The following SPAG1 variants were observed in gnomAD, a reference collection of about 807,000 sequenced individuals.
The protein encoded by SPAG1 is sperm-associated antigen 1.
In SPAG1, 69 loss-of-function variants were observed where a neutral mutation model predicts 100.5. The observed-to-expected ratio is 0.69, with a 90% CI of 0.57 to 0.84. The LOEUF is 0.84. SPAG1 is among the 40% of genes least tolerant of loss of function. SPAG1 has a pLI of 0.00. For missense variants in SPAG1, 955 were observed against 1,133.1 expected (o/e 0.84, Z 2.26); for synonymous variants, 336 against 411.6 (o/e 0.82, Z 2.22).
intron 7 of SPAG1, among the ~76,000 whole-genome samples, chr8:100,185,818 G>C (rs1033267719): frequency 6.6e-6 from 1 of 152,092 alleles, no homozygotes; most frequent in Non-Finnish European, 1.5e-5. Flanking sequence ...GAAGATACGA[G>C]GTAAAGAGGA....
At chr8:100,195,360 T>C (rs1445806286) in intron 10 of SPAG1, among the ~76,000 whole-genome samples, 1 of 152,158 alleles carries the variant, frequency 6.6e-6, no homozygotes, top group Non-Finnish European at 1.5e-5. Context: ...GTTCATTCAA[T>C]TTTAAAAATA....
intron 10 of SPAG1, among the ~76,000 whole-genome samples, chr8:100,201,992 T>C (rs752412376): frequency 6.6e-6 from 1 of 152,192 alleles, no homozygotes; most frequent in Non-Finnish European, 1.5e-5. Flanking sequence ...TTGAAACCTG[T>C]TGGTGAGAAG....
At chr8:100,195,454 A>T (rs1816994725) in intron 10 of SPAG1, among the ~76,000 whole-genome samples, 1 of 152,210 alleles carries the variant, frequency 6.6e-6, no homozygotes, top group Non-Finnish European at 1.5e-5. Context: ...TTAAGACTGG[A>T]TAAAGACAAA....
chr8:100,229,885 G>A (rs1003892023), intron 14 of SPAG1, among the ~76,000 whole-genome samples: 1 of 152,180 alleles, frequency 6.6e-6, no homozygotes, highest in Non-Finnish European at 1.5e-5. Context: ...GCTGGATTCA[G>A]GACTCAGAGA....
At chr8:100,190,168 C>T (rs1469858728) in intron 8 of SPAG1, among the ~76,000 whole-genome samples, 4 of 151,978 alleles carry the variant, frequency 2.6e-5, no homozygotes, top group Admixed American at 1.3e-4. Flanking sequence ...AAAAAATTAG[C>T]TGGATGTGGT....
At chr8:100,168,497 G>A (rs1319596874) in intron 3 of SPAG1, among the ~76,000 whole-genome samples, 2 of 149,526 alleles carry the variant, frequency 1.3e-5, no homozygotes, top group Non-Finnish European at 3.0e-5. Flanking sequence ...AGACTCAAGC[G>A]ATGCTCCCAC....
rs768753920 is a variant in SPAG1 at position 100,213,895 on chromosome 8, T to G, written c.1512T>G (p.Ser504Arg). 6.2e-7 allele frequency: 1 copy of G among 1,601,174 alleles called. No individual in the cohort carries two copies. The highest frequency in any genetic ancestry group is 1.3e-5 in the African/African-American group (1 of 74,724). Residue 504 changes from serine (S) to arginine (R), a missense_variant, in exon 12 of 19, where the codon AGT (serine) becomes AGG (arginine). By Grantham distance (110) the Ser-to-Arg change is moderately radical. Coordinates refer to ENST00000388798, the MANE Select transcript of SPAG1 (RefSeq NM_003114.5). ...GTTACCTAAAAGAAGGAAACTGCAG[T>G]GGCTGCATTCAAGATTGTAACAGGT... ...AACYLKEGNC[S>R]GCIQDCNRAL...
intron 8 of SPAG1, among the ~76,000 whole-genome samples, chr8:100,190,675 T>TC (rs1262389016): frequency 6.8e-6 from 1 of 146,670 alleles, no homozygotes; most frequent in Non-Finnish European, 1.5e-5. Flanking sequence ...TTTTTTTTTT[T>TC]TTTTTTGGAG....
chr8:100,213,957 T>C (rs1817856764), intron 12 of SPAG1, 39 bp downstream of exon 12: 2 of 1,179,972 alleles, frequency 1.7e-6, no homozygotes, highest in Non-Finnish European at 2.5e-6. Flanking sequence ...GAGATTGTTA[T>C]AATTTCATTA....
intron 10 of SPAG1, among the ~76,000 whole-genome samples, chr8:100,212,023 T>G (rs910349016): frequency 2.6e-5 from 4 of 152,258 alleles, no homozygotes; most frequent in African/African-American, 9.6e-5. Context: ...CTACTGGGTT[T>G]AATCTGCAGA....
chr8:100,233,876 C>T (rs1032823877), intron 16 of SPAG1, among the ~76,000 whole-genome samples: 8 of 152,152 alleles, frequency 5.3e-5, no homozygotes, highest in East Asian at 1.9e-4. Flanking sequence ...CTGGTTCCTC[C>T]GGCAAGGATT....
At chr8:100,172,925 C>G (rs919626417) in intron 3 of SPAG1, among the ~76,000 whole-genome samples, 3 of 150,918 alleles carry the variant, frequency 2.0e-5, no homozygotes, top group African/African-American at 7.3e-5. Context: ...AAAAATAGCA[C>G]TTTATGTCCA....
intron 10 of SPAG1, among the ~76,000 whole-genome samples, chr8:100,197,389 A>G (rs979683822): frequency 3.9e-5 from 6 of 152,230 alleles, no homozygotes; most frequent in African/African-American, 1.4e-4. Flanking sequence ...AAACTCAGAC[A>G]TAATCTTTTC....
Position 100,213,444 on chromosome 8 carries a change from C to A in SPAG1, c.1435+16C>A. 1 of 1,384,210 alleles carries A rather than the reference C, an allele frequency of 7.2e-7. No individual in the cohort carries two copies. The allele number at this position is 1,384,210 out of a possible 1,614,324, so 85.7% of individuals were successfully genotyped here. On this transcript the variant is annotated intron_variant, in intron 11 of 18. Transcript: ENST00000388798. Reference sequence around the variant, plus strand: ...GAGCCAGCAGGTAGGTGCGCCGCGCCCCGCCGCTTCCTGGGCCCCTCGCGC... The same window carrying A: ...GAGCCAGCAGGTAGGTGCGCCGCGCACCGCCGCTTCCTGGGCCCCTCGCGC...
rs1817813411 is a variant in SPAG1 at position 100,213,258 on chromosome 8, C to T, written c.1265C>T (p.Ala422Val). 1 of 1,218,546 alleles carries T rather than the reference C, an allele frequency of 8.2e-7. No homozygotes were observed. The highest frequency in any genetic ancestry group is 4.0e-5 in the South Asian group (1 of 25,008). The allele number at this position is 1,218,546 out of a possible 1,614,324, so 75.5% of individuals were successfully genotyped here. The change falls in exon 11 of 19, where the codon GCC (alanine) becomes GTC (valine). Residue 422 changes from alanine to valine, a missense_variant. Coordinates refer to ENST00000388798, the MANE Select transcript of SPAG1 (RefSeq NM_003114.5). ...AGADKRSPRR[A>V]SAAAAAGGGA... ...GCGGACAAGCGGAGCCCACGGCGGG[C>T]CTCTGCGGCGGCGGCGGCGGGCGGC... is the stretch of plus-strand genomic sequence containing the variant.
intron 7 of SPAG1, chr8:100,185,091 A>G (rs1027041559): frequency 4.8e-6 from 1 of 208,228 alleles, no homozygotes; most frequent in South Asian, 7.7e-5. Flanking sequence ...TTCCTACCAC[A>G]GGGCCTTTGC....
intron 17 of SPAG1, 99 bp from the exon 18 acceptor site, chr8:100,240,304 C>A (rs895618337): frequency 1.5e-5 from 18 of 1,168,960 alleles, no homozygotes; most frequent in Non-Finnish European, 2.2e-5. Context: ...ACAGTACAGT[C>A]TACTTGTAGT....
chr8:100,210,143 T>G (rs2132340425), intron 10 of SPAG1, among the ~76,000 whole-genome samples: 1 of 152,230 alleles, frequency 6.6e-6, no homozygotes, highest in African/African-American at 2.4e-5. Flanking sequence ...TTTTCATAAA[T>G]ATACTTTATT....
intron 10 of SPAG1, among the ~76,000 whole-genome samples, chr8:100,210,206 A>T (rs1371234102): frequency 2.7e-5 from 4 of 148,380 alleles, no homozygotes; most frequent in African/African-American, 9.9e-5. Context: ...TTTTTTTTTT[A>T]AATCATGAAA....
Sources: allele counts gnomAD v4.1 joint callset (sites outside exome capture counted in the v4.1 genomes callset), GRCh38; gene constraint gnomAD v4.1.1; transcripts MANE v1.5; gene names NCBI Gene and HGNC (gene_info 2026-07-23, HGNC 2026-07-21).